Variants in SH3PXD2A observed in about 807,000 individuals in gnomAD.
SH3PXD2A encodes SH3 and PX domains 2A, also known as SH3 and PX domain-containing protein 2A.
A neutral mutation model predicts 115.2 loss-of-function variants in SH3PXD2A; 32 were observed. The observed-to-expected ratio is 0.28, with a 90% CI of 0.21 to 0.37. The LOEUF is 0.37. Among genes scored for constraint, SH3PXD2A ranks in the 10% least tolerant of loss-of-function variants. The pLI, the probability that SH3PXD2A is intolerant of heterozygous loss-of-function variation, is 1.00. For missense variants in SH3PXD2A, 1,328 were observed against 1,498.7 expected (o/e 0.89, Z 1.88); for synonymous variants, 610 against 629.1 (o/e 0.97, Z 0.45).
chr10:103,764,743 C>T (rs2038736005), intron 3 of SH3PXD2A, among the ~76,000 whole-genome samples: 1 of 152,126 alleles, frequency 6.6e-6, no homozygotes, highest in African/African-American at 2.4e-5. Context: ...ATTGTGTTCT[C>T]GGCACCTGGG....
In SH3PXD2A at chr10:103,708,742, A is replaced by C. The variant is rs180776670; in HGVS notation, c.398+15528T>G. On this transcript the variant is annotated intron_variant, in intron 5 of 14. Transcript: ENST00000369774. ...GGGAAATTCCAAACCAAGATGCCTG[A>C]ATTTCCTTGAATTATTTCCTGTCTT... Among the ~76,000 whole-genome samples, 197 of 152,252 alleles carry C rather than the reference A, an allele frequency of 1.3e-3. 1 individual carries two copies. The highest frequency in any genetic ancestry group is 4.4e-3 in the African/African-American group (182 of 41,548).
chr10:103,748,357 A>G (rs1422276301), intron 3 of SH3PXD2A, among the ~76,000 whole-genome samples: 1 of 152,168 alleles, frequency 6.6e-6, no homozygotes, highest in Non-Finnish European at 1.5e-5. Flanking sequence ...TGATTCTGCT[A>G]TCTTCCTTCC....
chr10:103,651,703 T>C (rs2037126489), intron 8 of SH3PXD2A, among the ~76,000 whole-genome samples: 2 of 152,216 alleles, frequency 1.3e-5, no homozygotes, highest in African/African-American at 2.4e-5. Flanking sequence ...CATGGTTTTA[T>C]ATCTTGTAAA....
chr10:103,652,500 A>G (rs1241142722), intron 8 of SH3PXD2A, among the ~76,000 whole-genome samples: 1 of 152,224 alleles, frequency 6.6e-6, no homozygotes, highest in Non-Finnish European at 1.5e-5. Context: ...CGGAACAATT[A>G]CAGAAAACCC....
At chr10:103,776,438 G>GTC (rs1190721534) in intron 2 of SH3PXD2A, among the ~76,000 whole-genome samples, 5 of 101,854 alleles carry the variant, frequency 4.9e-5, no homozygotes, top group Non-Finnish European at 1.1e-4. Context: ...GTGTGTGTCT[G>GTC]TGTGTGTGTG....
Position 103,839,375 on chromosome 10 carries a change from G to GCTCC in SH3PXD2A, c.72+15816_72+15819dup, listed in dbSNP as rs555300997. Reference sequence around the variant, plus strand: ...CATGCGAAGGATTCTTTCAGGGGATGCTCCGCCTTCTCTGACGGAGAGCAT... The same window carrying GCTCC: ...CATGCGAAGGATTCTTTCAGGGGATGCTCCCTCCGCCTTCTCTGACGGAGAGCAT... On this transcript the variant is annotated intron_variant, in intron 1 of 14. Coordinates refer to ENST00000369774, the MANE Select transcript of SH3PXD2A (RefSeq NM_001394015.1). Among the ~76,000 whole-genome samples, 288 of 152,346 alleles carry GCTCC rather than the reference G, an allele frequency of 1.9e-3. 1 individual carries two copies. The highest frequency in any genetic ancestry group is 6.6e-3 in the African/African-American group (276 of 41,568).
At chr10:103,693,171 G>A (rs966741616) in intron 5 of SH3PXD2A, 115 bp from the exon 6 acceptor site, 551 of 674,494 alleles carry the variant, frequency 8.2e-4, no homozygotes, top group Non-Finnish European at 1.2e-3. Flanking sequence ...CGCTGCTCAT[G>A]TGATGCCCAC....
intron 2 of SH3PXD2A, among the ~76,000 whole-genome samples, chr10:103,789,558 A>ACACACAC (rs1564889466): frequency 5.4e-4 from 73 of 134,298 alleles, no homozygotes; most frequent in Middle Eastern, 3.6e-3. Flanking sequence ...CACACACACA[A>ACACACAC]CACTCACCTG....
chr10:103,622,395 C>T (rs1178101787), intron 10 of SH3PXD2A, 75 bp downstream of exon 10: 7 of 978,100 alleles, frequency 7.2e-6, no homozygotes, highest in Non-Finnish European at 1.1e-5. Context: ...GAGAGCAGAG[C>T]CCGGAAAGAA....
chr10:103,658,300 C>T (rs952524218), intron 8 of SH3PXD2A, among the ~76,000 whole-genome samples: 17 of 152,232 alleles, frequency 1.1e-4, no homozygotes, highest in African/African-American at 3.9e-4. Flanking sequence ...GTGGGCAAGG[C>T]AAGGCCCAGG....
At chr10:103,681,280 A>G (rs1290104315) in intron 6 of SH3PXD2A, among the ~76,000 whole-genome samples, 1 of 151,748 alleles carries the variant, frequency 6.6e-6, no homozygotes, top group Non-Finnish European at 1.5e-5. Flanking sequence ...CCACCCTCCC[A>G]TCTCAGGAGA....
intron 2 of SH3PXD2A, among the ~76,000 whole-genome samples, chr10:103,795,958 A>AAGGAAGGAAGGAAG (rs1564890955): frequency 7.4e-6 from 1 of 135,204 alleles, no homozygotes; most frequent in African/African-American, 2.8e-5. Flanking sequence ...AAGGAAGGAA[A>AAGGAAGGAAGGAAG]CCAGAGACAT....
intron 1 of SH3PXD2A, among the ~76,000 whole-genome samples, chr10:103,844,495 C>T (rs977708646): frequency 6.6e-6 from 1 of 152,214 alleles, no homozygotes; most frequent in African/African-American, 2.4e-5. Context: ...AAAGCAGTCA[C>T]TTCAAAGGAC....
At chr10:103,801,001 C>G (rs1414681206) in intron 2 of SH3PXD2A, among the ~76,000 whole-genome samples, 4 of 152,208 alleles carry the variant, frequency 2.6e-5, no homozygotes, top group Non-Finnish European at 1.5e-5. Context: ...CATCCTCCCG[C>G]CTCTTCACCA....
chr10:103,849,521 C>T (rs1308538712), intron 1 of SH3PXD2A, among the ~76,000 whole-genome samples: 1 of 152,206 alleles, frequency 6.6e-6, no homozygotes, highest in African/African-American at 2.4e-5. Flanking sequence ...GATATGGTGA[C>T]TTGCCTGGGG....
At chr10:103,824,218 C>T (rs1027831233) in intron 1 of SH3PXD2A, among the ~76,000 whole-genome samples, 3 of 152,188 alleles carry the variant, frequency 2.0e-5, no homozygotes, top group South Asian at 2.1e-4. Context: ...TTGTTTCTTT[C>T]GGTGGCTTGG....
chr10:103,834,595 TCCAAAAAGGGAGG>T, intron 1 of SH3PXD2A, among the ~76,000 whole-genome samples: 1 of 152,316 alleles, frequency 6.6e-6, no homozygotes, highest in South Asian at 2.1e-4. Flanking sequence ...ATAAAGCTGT[TCCAAAAAGGGAGG>T]GAGCCAACTG....
At chr10:103,690,968 G>A (rs147342580) in intron 6 of SH3PXD2A, among the ~76,000 whole-genome samples, 73 of 152,334 alleles carry the variant, frequency 4.8e-4, no homozygotes, top group African/African-American at 1.7e-3. Flanking sequence ...CCTGGCGTGA[G>A]AGTGGAAGAC....
At chr10:103,843,329 T>G (rs1259915184) in intron 1 of SH3PXD2A, among the ~76,000 whole-genome samples, 1 of 152,194 alleles carries the variant, frequency 6.6e-6, no homozygotes, top group Non-Finnish European at 1.5e-5. Context: ...CCTCTCTTAG[T>G]GCTTACTCTG....
Sources: allele counts gnomAD v4.1 joint callset (sites outside exome capture counted in the v4.1 genomes callset), GRCh38; gene constraint gnomAD v4.1.1; transcripts MANE v1.5; gene names NCBI Gene and HGNC (gene_info 2026-07-23, HGNC 2026-07-21).